The following PAFAH1B1 variants were observed in gnomAD, a reference collection of about 807,000 sequenced individuals.
PAFAH1B1 encodes platelet activating factor acetylhydrolase 1b regulatory subunit 1, also known as platelet-activating factor acetylhydrolase IB subunit beta.
In PAFAH1B1, 2 loss-of-function variants were observed where a neutral mutation model predicts 57.5. The ratio of observed to expected loss-of-function variants is 0.03; its 90% CI spans 0.01 to 0.11. The LOEUF (loss-of-function observed/expected upper bound fraction) is 0.11. Ranked by LOEUF, PAFAH1B1 falls within the 10% of genes least tolerant of loss-of-function variation. The pLI is 1.00. For synonymous variants in PAFAH1B1, 152 were observed against 169.6 expected, an observed-to-expected ratio of 0.90 and a Z score of 0.81; for missense variants, 257 against 512.0, an observed-to-expected ratio of 0.50 and a Z score of 4.81.
intron 2 of PAFAH1B1, among the ~76,000 whole-genome samples, chr17:2,645,564 G>A (rs768000198): frequency 1.6e-4 from 24 of 149,300 alleles, no homozygotes; most frequent in Admixed American, 2.0e-4. Context: ...CTGCACTCCA[G>A]CCTGGGGGAC....
At chr17:2,672,633 A>G (rs757159343) in intron 6 of PAFAH1B1, 22 bp from the exon 7 acceptor site, 1 of 1,454,114 alleles carries the variant, frequency 6.9e-7, no homozygotes, top group Non-Finnish European at 9.7e-7. Flanking sequence ...ACTTCATAAT[A>G]TATTGCTGTT....
At chr17:2,612,630 T>A (rs540836235) in intron 1 of PAFAH1B1, among the ~76,000 whole-genome samples, 1 of 152,322 alleles carries the variant, frequency 6.6e-6, no homozygotes, top group South Asian at 2.1e-4. Context: ...GTTTTTATTT[T>A]GAGAAGGGGA....
At chr17:2,639,806 C>T (rs969771769) in intron 2 of PAFAH1B1, 2 of 152,068 alleles carry the variant, frequency 1.3e-5, no homozygotes, top group Non-Finnish European at 2.9e-5. Context: ...CCATCTTTGC[C>T]AGGCTGGTCT....
At chr17:2,608,747 C>T (rs912885955) in intron 1 of PAFAH1B1, among the ~76,000 whole-genome samples, 2 of 152,178 alleles carry the variant, frequency 1.3e-5, no homozygotes, top group African/African-American at 2.4e-5. Flanking sequence ...CAACCGGGTG[C>T]GACCTCATCT....
At chr17:2,652,610 C>T (rs751517468) in intron 2 of PAFAH1B1, among the ~76,000 whole-genome samples, 9 of 152,126 alleles carry the variant, frequency 5.9e-5, no homozygotes, top group African/African-American at 9.7e-5. Flanking sequence ...AGCGGTTTTT[C>T]CCTGGCCTGT....
In PAFAH1B1 at chr17:2,605,866, G is replaced by A. The variant is rs555090501; in HGVS notation, c.-191+11860G>A. Among the ~76,000 whole-genome samples the A allele has an allele frequency of 1.1e-4, 17 of 152,230 alleles. 1 individual carries two copies. The highest frequency in any genetic ancestry group is 3.6e-4 in the African/African-American group (15 of 41,542). ...AGTACTCAATAAATATTGTTATTAT[G>A]GTGATGATTGATGATGATTAAGATG... On this transcript the variant is annotated intron_variant, in intron 1 of 10. Coordinates refer to ENST00000397195, the MANE Select transcript of PAFAH1B1 (RefSeq NM_000430.4).
rs572386500 is a variant in PAFAH1B1, at chr17:2,630,490, A to G, written c.-190-7609A>G. Among the ~76,000 whole-genome samples the G allele has an allele frequency of 3.3e-5, 5 of 152,256 alleles. No individual in the cohort carries two copies. In the South Asian group the frequency reaches 8.3e-4, roughly 25 times the overall value. On this transcript the variant is annotated intron_variant, in intron 1 of 10. Coordinates refer to ENST00000397195, the MANE Select transcript of PAFAH1B1 (RefSeq NM_000430.4). ...TGCTGAGAAATCTGCTGTTAAACTG[A>G]TAGGTTTTCCTTTATAGGTTACCTG...
intron 2 of PAFAH1B1, among the ~76,000 whole-genome samples, chr17:2,647,214 G>A (rs761326869): frequency 2.0e-5 from 3 of 152,290 alleles, no homozygotes; most frequent in South Asian, 2.1e-4. Flanking sequence ...GCTGGGCGTC[G>A]TGGTGCACAC....
intron 2 of PAFAH1B1, among the ~76,000 whole-genome samples, chr17:2,643,378 C>G (rs1053999001): frequency 6.6e-6 from 1 of 152,174 alleles, no homozygotes; most frequent in Admixed American, 6.5e-5. Flanking sequence ...CTCTGCCCCC[C>G]TAATAGCTGG....
chr17:2,663,183 C>G (rs1269408610), intron 2 of PAFAH1B1, among the ~76,000 whole-genome samples: 2 of 152,030 alleles, frequency 1.3e-5, no homozygotes, highest in Non-Finnish European at 2.9e-5. Context: ...GAGGCTGAGG[C>G]AGGAGAATGG....
Position 2,593,915 on chromosome 17 carries a change from C to G in PAFAH1B1, c.-282C>G, listed in dbSNP as rs1396190178. ...TCCCCCCTCCTTCCCTCCCTCCCTC[C>G]TTCCTCCCTCCCCTCTCCCTCCCCC... On this transcript the variant is annotated 5_prime_UTR_variant, in exon 1 of 11. Transcript: ENST00000397195. The G allele has an allele frequency of 2.6e-6, 1 of 384,746 alleles. No homozygotes were observed. The highest frequency in any genetic ancestry group is 3.7e-5 in the East Asian group (1 of 27,134). 23.8% of individuals were successfully genotyped at this position (384,746 alleles called of 1,614,324 possible).
chr17:2,601,473 A>G (rs1170236808), intron 1 of PAFAH1B1, among the ~76,000 whole-genome samples: 4 of 128,958 alleles, frequency 3.1e-5, no homozygotes, highest in Non-Finnish European at 6.8e-5. Flanking sequence ...GAGTCTCCCA[A>G]TCTTGTTGCC....
intron 1 of PAFAH1B1, among the ~76,000 whole-genome samples, chr17:2,634,207 C>A (rs11078281): frequency 0.27 from 40,833 of 151,948 alleles, 5,705 homozygotes; most frequent in Middle Eastern, 0.35. Context: ...TCAATTTCAG[C>A]TCAACTGCAA....
chr17:2,663,579 A>C (rs35191721), intron 2 of PAFAH1B1, among the ~76,000 whole-genome samples: 150,709 of 152,200 alleles, frequency 0.99, 74,633 homozygotes, highest in East Asian at 1. Context: ...TACTTAACTT[A>C]TTACTTTTAG....
chr17:2,647,235 A>C (rs550632265), intron 2 of PAFAH1B1, among the ~76,000 whole-genome samples: 2 of 152,290 alleles, frequency 1.3e-5, no homozygotes, highest in Non-Finnish European at 2.9e-5. Flanking sequence ...CTGTAGTCCC[A>C]GCTACTTGGG....
chr17:2,618,954 CAAAAA>C (rs34683975), intron 1 of PAFAH1B1, among the ~76,000 whole-genome samples: 4 of 76,262 alleles, frequency 5.2e-5, no homozygotes, highest in African/African-American at 1.5e-4. Flanking sequence ...GACTCCGTCT[CAAAAA>C]AAAAAAAAAA....
At chr17:2,643,655 G>A (rs566058758) in intron 2 of PAFAH1B1, among the ~76,000 whole-genome samples, 1 of 151,956 alleles carries the variant, frequency 6.6e-6, no homozygotes, top group South Asian at 2.1e-4. Flanking sequence ...TGCCTCCTGG[G>A]TTCAAGTGAT....
intron 7 of PAFAH1B1, 106 bp from the exon 8 acceptor site, chr17:2,673,954 C>T: frequency 1.3e-6 from 1 of 785,538 alleles, no homozygotes; most frequent in Non-Finnish European, 2.2e-6. Context: ...ACTTGCATCT[C>T]TAACTTGGTA....
In PAFAH1B1 at chr17:2,621,605, GTCTTTTTTTTT is replaced by G. The variant is rs372090130; in HGVS notation, c.-190-16492_-190-16482del. ...GCTATTCAAGCATGGTAGATAATCT[GTCTTTTTTTTT>G]TTTTTTTTTTTTTTTTTTTTTTTTT... On this transcript the variant is annotated intron_variant, in intron 1 of 10. Coordinates refer to ENST00000397195, the MANE Select transcript of PAFAH1B1 (RefSeq NM_000430.4). 3.0e-3 allele frequency among the ~76,000 whole-genome samples: 284 copies of G among 93,236 alleles called. 51 individuals are homozygous for G. Among genetic ancestry groups the G allele is most frequent in the African/African-American group, 0.012 (249 of 21,342 alleles). 61.2% of individuals were successfully genotyped at this position (93,236 alleles called of 152,430 possible).
Sources: allele counts gnomAD v4.1 joint callset (sites outside exome capture counted in the v4.1 genomes callset), GRCh38; gene constraint gnomAD v4.1.1; transcripts MANE v1.5; gene names NCBI Gene and HGNC (gene_info 2026-07-23, HGNC 2026-07-21).